TBC1D9: variants seen among roughly 807,000 people sequenced by gnomAD.
TBC1D9 encodes the protein TBC1 domain family member 9A.
TBC1D9 carries 63 observed loss-of-function variants against 132.0 expected under a neutral mutation model. That is an observed-to-expected ratio of 0.48 (90% CI 0.39 to 0.59). The LOEUF is 0.59. Ranked by LOEUF, TBC1D9 falls within the 20% of genes least tolerant of loss-of-function variation. The pLI, the probability that TBC1D9 is intolerant of heterozygous loss-of-function variation, is 0.00. For missense variants in TBC1D9, 1,261 were observed against 1,592.7 expected (o/e 0.79, Z 3.54); for synonymous variants, 610 against 609.9 (o/e 1.00, Z 0.00).
chr4:140,729,741 A>G (rs999236613), intron 1 of TBC1D9, among the ~76,000 whole-genome samples: 2 of 135,502 alleles, frequency 1.5e-5, no homozygotes, highest in Non-Finnish European at 3.1e-5. Flanking sequence ...AATTGCTTGA[A>G]TCCCGGAGGC....
intron 1 of TBC1D9, among the ~76,000 whole-genome samples, chr4:140,726,698 G>A (rs865904598): frequency 2.0e-5 from 3 of 152,160 alleles, no homozygotes; most frequent in Admixed American, 6.5e-5. Flanking sequence ...TGTGCAAGAT[G>A]AGATTGTTTT....
At chr4:140,670,498 C>T in intron 7 of TBC1D9, 1 of 533,626 alleles carries the variant, frequency 1.9e-6, no homozygotes, top group Non-Finnish European at 3.3e-6. Flanking sequence ...AGAATTTCTT[C>T]AACTATAAAA....
rs143722835 is a variant in TBC1D9, at chr4:140,747,613, G to A, written c.130+8303C>T. Among the ~76,000 whole-genome samples, 655 of 152,222 alleles carry A rather than the reference G, an allele frequency of 4.3e-3. 4 individuals are homozygous for A. The highest frequency in any genetic ancestry group is 0.015 in the African/African-American group (620 of 41,554). ...AGTTACCATACCTGAAAAAAAGACA[G>A]GCTCCAAGGGGGAGAGCTCTATATT... On this transcript the variant is annotated intron_variant, in intron 1 of 20. Transcript: ENST00000442267.
At chr4:140,689,665 T>C (rs978867005) in intron 2 of TBC1D9, among the ~76,000 whole-genome samples, 3 of 9,744 alleles carry the variant, frequency 3.1e-4, no homozygotes, top group Admixed American at 1.8e-3. Context: ...CCTTCCCCCC[T>C]CCCCTTTCTC....
Position 140,679,185 on chromosome 4 carries a change from C to T in TBC1D9, c.608G>A (p.Trp203Ter), listed in dbSNP as rs1480228955. ...CTTCTCAAGCTGAGTGATGTCTACC[C>T]ACCGGATGACCAGTTTCGCTGAGCA... is the stretch of plus-strand genomic sequence containing the variant. ...MGREAKLVIRWVDITQLEKNA... is the reference protein window; with the variant it reads ...MGREAKLVIR Residue 203 changes from tryptophan (W) to a stop codon, truncating the protein, a stop_gained, in exon 5 of 21, where the codon TGG becomes TAG. Coordinates refer to ENST00000442267, the MANE Select transcript of TBC1D9 (RefSeq NM_015130.3). LOFTEE classifies it high-confidence loss of function. 2 of 1,613,346 alleles carry T rather than the reference C, an allele frequency of 1.2e-6. No homozygotes were observed. The highest frequency in any genetic ancestry group is 1.1e-5 in the South Asian group (1 of 91,016).
At chr4:140,649,918 T>C (rs1240121063) in intron 13 of TBC1D9, among the ~76,000 whole-genome samples, 1 of 152,178 alleles carries the variant, frequency 6.6e-6, no homozygotes. Flanking sequence ...CTGCCAGAAG[T>C]GGGCCCATAT....
In TBC1D9 at chr4:140,642,702, G is replaced by A. The variant is rs573350521; in HGVS notation, c.2338-3274C>T. On this transcript the variant is annotated intron_variant, in intron 13 of 20. Transcript: ENST00000442267. ...TTCCCTGTTCCAATAAGGGCATTGT[G>A]TTCCTCCTTGGGCCCTTTGTGTCTC... The A allele has an allele frequency of 4.2e-5, 28 of 663,248 alleles. No individual in the cohort carries two copies. In the South Asian group the frequency reaches 5.2e-4, roughly 12 times the overall value. The allele number at this position is 663,248 out of a possible 1,614,324, so 41.1% of individuals were successfully genotyped here. A position where few individuals can be genotyped will look rare whatever the true frequency, so the allele number is the denominator to read the frequency against.
In TBC1D9 at chr4:140,706,408, T is replaced by C. The variant is rs910678575; in HGVS notation, c.131-4794A>G. 1.3e-5 allele frequency among the ~76,000 whole-genome samples: 2 copies of C among 152,140 alleles called. No homozygotes were observed. Among genetic ancestry groups the C allele is most frequent in the Admixed American group, 6.5e-5 (1 of 15,272 alleles). On this transcript the variant is annotated intron_variant, in intron 1 of 20. Coordinates refer to ENST00000442267, the MANE Select transcript of TBC1D9 (RefSeq NM_015130.3). This position sits in a 1 kb window ranked among gnomAD's most constrained non-coding sequence, Gnocchi z 4.0. The stretch of plus-strand genomic sequence containing the variant: ...CCCCTGCTTCCTGATAAAGAAATAA[T>C]AGTATCTACCCTAGAAAGTGCTTAG...
intron 1 of TBC1D9, among the ~76,000 whole-genome samples, chr4:140,750,982 A>G (rs1578867800): frequency 6.6e-6 from 1 of 152,128 alleles, no homozygotes; most frequent in African/African-American, 2.4e-5. Context: ...AGTTAAAAAA[A>G]TGCATCAATA....
intron 11 of TBC1D9, among the ~76,000 whole-genome samples, chr4:140,658,280 C>A (rs547806260): frequency 6.6e-6 from 1 of 152,288 alleles, no homozygotes; most frequent in East Asian, 1.9e-4. Flanking sequence ...TTACTACACA[C>A]CTAGGCTATA....
intron 13 of TBC1D9, chr4:140,644,784 G>A: frequency 2.5e-6 from 1 of 402,200 alleles, no homozygotes; most frequent in Non-Finnish European, 4.9e-6. Flanking sequence ...CGGGGCAAAG[G>A]GGCAGCACGG....
chr4:140,754,332 G>C (rs1486714071), intron 1 of TBC1D9, among the ~76,000 whole-genome samples: 3 of 152,122 alleles, frequency 2.0e-5, no homozygotes, highest in Non-Finnish European at 4.4e-5. Flanking sequence ...GGACTACATG[G>C]GCCGGGTGAG....
In TBC1D9 at chr4:140,662,760, T is replaced by C. The variant is rs1380746318; in HGVS notation, c.1589-653A>G. ...TCATCCATTTGAGATACTTACAGTTTAGGATTCTTCAAGACAGAAAAACCC... is the reference window on the plus strand; with the variant it reads ...TCATCCATTTGAGATACTTACAGTTCAGGATTCTTCAAGACAGAAAAACCC... On this transcript the variant is annotated intron_variant, in intron 9 of 20. Transcript: ENST00000442267. 4.6e-5 allele frequency among the ~76,000 whole-genome samples: 7 copies of C among 152,208 alleles called. No individual in the cohort carries two copies. In the East Asian group the frequency reaches 5.8e-4, roughly 13 times the overall value.
At chr4:140,683,524 G>T (rs1165024913) in intron 3 of TBC1D9, among the ~76,000 whole-genome samples, 1 of 152,118 alleles carries the variant, frequency 6.6e-6, no homozygotes, top group Non-Finnish European at 1.5e-5. Flanking sequence ...CCAGTTCTAG[G>T]CAACAGCTTC....
intron 1 of TBC1D9, among the ~76,000 whole-genome samples, chr4:140,731,298 C>T (rs2111067932): frequency 6.6e-6 from 1 of 152,286 alleles, no homozygotes; most frequent in East Asian, 1.9e-4. Context: ...GCCAGGCTCT[C>T]AGTAAACACT....
chr4:140,622,786 G>C lies in TBC1D9; in HGVS notation c.3210C>G (p.Phe1070Leu), dbSNP rs932880714. ...LLEIGEVGKL[F>L]VAQPAKEGGS... ...CGCCCTCCTTTGCAGGCTGGGCCACGAACAACTTGCCGACCTCCCCAATCT... is the reference window on the plus strand; with the variant it reads ...CGCCCTCCTTTGCAGGCTGGGCCACCAACAACTTGCCGACCTCCCCAATCT... The change falls in exon 21 of 21, where the codon TTC becomes TTG. Residue 1070 changes from phenylalanine to leucine, a missense_variant. Coordinates refer to ENST00000442267, the MANE Select transcript of TBC1D9 (RefSeq NM_015130.3). The C allele has an allele frequency of 3.1e-6, 5 of 1,602,924 alleles. No homozygotes were observed. The highest frequency in any genetic ancestry group is 4.2e-6 in the Non-Finnish European group (5 of 1,179,064).
intron 13 of TBC1D9, among the ~76,000 whole-genome samples, chr4:140,640,597 A>G (rs1736971673): frequency 6.6e-6 from 1 of 152,190 alleles, no homozygotes; most frequent in African/African-American, 2.4e-5. Flanking sequence ...ACAAAAGGAA[A>G]GGCAGCTTTT....
chr4:140,746,420 A>G (rs549892697), intron 1 of TBC1D9, among the ~76,000 whole-genome samples: 2 of 152,280 alleles, frequency 1.3e-5, no homozygotes, highest in South Asian at 4.1e-4. Flanking sequence ...TAGAGTCCAT[A>G]GCTTTTATTA....
intron 1 of TBC1D9, among the ~76,000 whole-genome samples, chr4:140,743,919 G>A (rs1425090085): frequency 6.6e-6 from 1 of 152,114 alleles, no homozygotes; most frequent in East Asian, 1.9e-4. Context: ...TAGGACGCTT[G>A]GAGTAAATTT....
Sources: allele counts gnomAD v4.1 joint callset (sites outside exome capture counted in the v4.1 genomes callset), GRCh38; gene constraint gnomAD v4.1.1; non-coding constraint Gnocchi (gnomAD v3.1); transcripts MANE v1.5; gene names NCBI Gene and HGNC (gene_info 2026-07-23, HGNC 2026-07-21).